The following ATOSA variants were observed in gnomAD, a reference collection of about 807,000 sequenced individuals.
The protein encoded by ATOSA is atos homolog A.
the ATOSA span, among the ~76,000 whole-genome samples, chr15:52,705,967 TTTAC>T: frequency 6.6e-6 from 1 of 152,190 alleles, no homozygotes; most frequent in East Asian, 1.9e-4. Flanking sequence ...CCATAATTTA[TTTAC>T]CTACTCTCTG....
At chr15:52,694,655 AT>A in the ATOSA span, among the ~76,000 whole-genome samples, 144 of 151,884 alleles carry the variant, frequency 9.5e-4, no homozygotes, top group Middle Eastern at 3.4e-3. Flanking sequence ...CCCCGCCTCT[AT>A]TTTTTTAATT....
chr15:52,643,005 C>G, the ATOSA span, among the ~76,000 whole-genome samples: 1 of 152,000 alleles, frequency 6.6e-6, no homozygotes, highest in Non-Finnish European at 1.5e-5. Context: ...CCATCACTCC[C>G]TTTTATGCTC....
the ATOSA span, among the ~76,000 whole-genome samples, chr15:52,588,631 T>G: frequency 6.6e-6 from 1 of 152,014 alleles, no homozygotes; most frequent in African/African-American, 2.4e-5. Context: ...TAGAGATGGT[T>G]GGGGGCAGGG....
At chr15:52,695,308 C>G in the ATOSA span, among the ~76,000 whole-genome samples, 1 of 152,214 alleles carries the variant, frequency 6.6e-6, no homozygotes, top group Non-Finnish European at 1.5e-5. Flanking sequence ...TTATCTGTCT[C>G]CCTTGTGCCA....
chr15:52,698,798 T>C, the ATOSA span, among the ~76,000 whole-genome samples: 3 of 152,262 alleles, frequency 2.0e-5, no homozygotes, highest in East Asian at 5.8e-4. Context: ...TATACAGATG[T>C]ATACATAAGT....
At chr15:52,639,188 G>A in the ATOSA span, among the ~76,000 whole-genome samples, 1 of 151,428 alleles carries the variant, frequency 6.6e-6, no homozygotes, top group South Asian at 2.1e-4. Flanking sequence ...ACAAGTCTTT[G>A]GGCCTGAAAA....
the ATOSA span, among the ~76,000 whole-genome samples, chr15:52,634,573 A>G: frequency 6.2e-4 from 94 of 150,916 alleles, no homozygotes; most frequent in African/African-American, 2.2e-3. Context: ...ACACAACTAT[A>G]TATGACTTAA....
chr15:52,599,368 A>G, the ATOSA span, among the ~76,000 whole-genome samples: 53 of 152,346 alleles, frequency 3.5e-4, no homozygotes, highest in African/African-American at 1.2e-3. Context: ...AAGACTTACC[A>G]TGAAATATCT....
At chr15:52,629,025 C>A in the ATOSA span, among the ~76,000 whole-genome samples, 1 of 152,170 alleles carries the variant, frequency 6.6e-6, no homozygotes, top group African/African-American at 2.4e-5. Flanking sequence ...ATCTTGCCCT[C>A]GCCAATTCAA....
At chr15:52,649,351 T>C in the ATOSA span, 2 of 152,080 alleles carry the variant, frequency 1.3e-5, no homozygotes, top group African/African-American at 4.8e-5. Context: ...ATACCTGAAG[T>C]AGGAACGACT....
At chr15:52,627,385 T>C in the ATOSA span, among the ~76,000 whole-genome samples, 1 of 152,192 alleles carries the variant, frequency 6.6e-6, no homozygotes, top group Non-Finnish European at 1.5e-5. Flanking sequence ...ATAAACTCTA[T>C]TAGTACAGGG....
chr15:52,610,250 A>G, the ATOSA span: 1 of 1,614,014 alleles, frequency 6.2e-7, no homozygotes, highest in African/African-American at 1.3e-5. Flanking sequence ...AAAACTGGAT[A>G]ATTAGATTGT....
the ATOSA span, among the ~76,000 whole-genome samples, chr15:52,692,973 T>C: frequency 2.0e-5 from 3 of 152,152 alleles, no homozygotes; most frequent in African/African-American, 4.8e-5. Context: ...ACAGAGCATT[T>C]ACCAAACCTT....
At chr15:52,668,924 GA>G in the ATOSA span, among the ~76,000 whole-genome samples, 1 of 108,626 alleles carries the variant, frequency 9.2e-6, no homozygotes, top group Non-Finnish European at 2.0e-5. Context: ...TTTTTTTTTT[GA>G]GACGGAGACT....
chr15:52,624,390 T>G, the ATOSA span, among the ~76,000 whole-genome samples: 1 of 152,202 alleles, frequency 6.6e-6, no homozygotes, highest in South Asian at 2.1e-4. Context: ...CCCCAGAATT[T>G]ACAGAAGCCA....
chr15:52,704,911 G>A, the ATOSA span, among the ~76,000 whole-genome samples: 6 of 152,304 alleles, frequency 3.9e-5, no homozygotes, highest in East Asian at 1.2e-3. Context: ...TGGTGGGAGT[G>A]TAAATTAATT....
chr15:52,651,881 A>C, the ATOSA span: 7 of 1,535,560 alleles, frequency 4.6e-6, no homozygotes, highest in South Asian at 8.3e-5. Flanking sequence ...TTCTCTGTGA[A>C]GCCCTTTGTT....
At chr15:52,657,115 A>G in the ATOSA span, 1 of 152,194 alleles carries the variant, frequency 6.6e-6, no homozygotes, top group African/African-American at 2.4e-5. Flanking sequence ...ATAGAAATTA[A>G]GGTAGCCGTT....
At chr15:52,624,312 A>C in the ATOSA span, among the ~76,000 whole-genome samples, 4 of 152,132 alleles carry the variant, frequency 2.6e-5, no homozygotes, top group Non-Finnish European at 4.4e-5. Context: ...TGGACTGCCA[A>C]TCTTTTCCAT....
Sources: gnomAD v4.1 joint callset for allele counts (sites outside exome capture counted in the v4.1 genomes callset) on GRCh38, gnomAD v4.1.1 for gene constraint, MANE v1.5 for transcripts, NCBI Gene and HGNC (gene_info 2026-07-23, HGNC 2026-07-21) for gene names.